The following ERG variants were observed in gnomAD, a reference collection of about 807,000 sequenced individuals.
ERG encodes the protein transcriptional regulator ERG.
Under a neutral mutation model 55.3 loss-of-function variants are expected in ERG, and 9 were observed. That is an observed-to-expected ratio of 0.16 (90% CI 0.10 to 0.28). The LOEUF (loss-of-function observed/expected upper bound fraction) is 0.28, where lower values mean the gene tolerates loss of function less well. Ranked by LOEUF, ERG falls within the 10% of genes least tolerant of loss-of-function variation. ERG has a pLI of 1.00. For missense variants in ERG, 434 were observed against 631.6 expected (o/e 0.69, Z 3.35); for synonymous variants, 223 against 237.3 (o/e 0.94, Z 0.55).
chr21:38,512,444 A>G (rs953557004), intron 2 of ERG, among the ~76,000 whole-genome samples: 3 of 152,266 alleles, frequency 2.0e-5, no homozygotes, highest in African/African-American at 4.8e-5. Context: ...ATAGACAGTT[A>G]TAAGTACAAA....
exon 2 of ERG, chr21:38,575,680 G>A (rs2059990591): frequency 6.2e-7 from 1 of 1,613,890 alleles, no homozygotes; most frequent in South Asian, 1.1e-5. Context: ...GAGCTGCTGG[G>A]TCCGGGACAG....
intron 2 of ERG, among the ~76,000 whole-genome samples, chr21:38,427,588 C>G (rs573427628): frequency 4.1e-4 from 63 of 152,146 alleles, no homozygotes; most frequent in Admixed American, 7.2e-4. Flanking sequence ...GCGGGTGGCC[C>G]GAACTCTCCA....
chr21:38,514,628 A>G (rs1339848581), intron 2 of ERG, among the ~76,000 whole-genome samples: 1 of 152,004 alleles, frequency 6.6e-6, no homozygotes, highest in East Asian at 1.9e-4. Flanking sequence ...CGAAACCTAC[A>G]GTAAACCACA....
chr21:38,523,193 G>C (rs1021503982), intron 2 of ERG, among the ~76,000 whole-genome samples: 11 of 152,228 alleles, frequency 7.2e-5, no homozygotes, highest in Admixed American at 3.9e-4. Flanking sequence ...GTAGCAAAAA[G>C]GGCACACTAA....
intron 3 of ERG, among the ~76,000 whole-genome samples, chr21:38,416,864 G>A (rs1244121549): frequency 2.0e-5 from 3 of 152,192 alleles, no homozygotes; most frequent in Non-Finnish European, 2.9e-5. Context: ...CAAGGACACC[G>A]GGTGGTGAAA....
intron 1 of ERG, among the ~76,000 whole-genome samples, chr21:38,591,913 T>A (rs1484208987): frequency 6.6e-6 from 1 of 152,098 alleles, no homozygotes; most frequent in African/African-American, 2.4e-5. Flanking sequence ...GTTTGAAGGA[T>A]GAGAAAAGCA....
At chr21:38,440,544 G>A (rs543450224) in intron 2 of ERG, among the ~76,000 whole-genome samples, 2 of 152,104 alleles carry the variant, frequency 1.3e-5, no homozygotes, top group Non-Finnish European at 2.9e-5. Flanking sequence ...AGTGAGGCCG[G>A]GCATGGTGGC....
intron 1 of ERG, among the ~76,000 whole-genome samples, chr21:38,448,055 A>G (rs1045036336): frequency 1.2e-4 from 19 of 152,240 alleles, no homozygotes; most frequent in African/African-American, 4.6e-4. Flanking sequence ...AACAAAGCCA[A>G]TAGCCACAAA....
intron 2 of ERG, among the ~76,000 whole-genome samples, chr21:38,532,822 C>T (rs76321508): frequency 0.014 from 2,059 of 152,236 alleles, 49 homozygotes; most frequent in African/African-American, 0.046. Context: ...GTGATTTATA[C>T]GTGAAGTGGA....
intron 1 of ERG, among the ~76,000 whole-genome samples, chr21:38,602,395 A>G (rs1212312131): frequency 6.6e-6 from 1 of 152,068 alleles, no homozygotes; most frequent in East Asian, 1.9e-4. Flanking sequence ...CAGTGAGCCA[A>G]GATTGTGCCA....
At chr21:38,542,077 C>T (rs1290920747) in intron 2 of ERG, among the ~76,000 whole-genome samples, 1 of 152,034 alleles carries the variant, frequency 6.6e-6, no homozygotes, top group South Asian at 2.1e-4. Context: ...GTGGCGTGTT[C>T]TCAGCTTACC....
At chr21:38,441,804 C>T (rs750812991) in intron 2 of ERG, among the ~76,000 whole-genome samples, 12 of 152,254 alleles carry the variant, frequency 7.9e-5, no homozygotes, top group Non-Finnish European at 1.0e-4. Flanking sequence ...CCTCCCCTGC[C>T]TATTACAACC....
intron 1 of ERG, among the ~76,000 whole-genome samples, chr21:38,616,199 G>C (rs1481807361): frequency 6.6e-6 from 1 of 152,054 alleles, no homozygotes; most frequent in East Asian, 1.9e-4. Context: ...CACCATGATT[G>C]TAAGTTTCCT....
chr21:38,601,175 C>T (rs909986864), intron 1 of ERG, among the ~76,000 whole-genome samples: 3 of 152,280 alleles, frequency 2.0e-5, no homozygotes, highest in Admixed American at 6.5e-5. Flanking sequence ...CCCCCAACAA[C>T]TCAGATGACA....
At chr21:38,418,024 A>AT (rs909343698) in intron 3 of ERG, among the ~76,000 whole-genome samples, 16 of 150,364 alleles carry the variant, frequency 1.1e-4, no homozygotes, top group African/African-American at 2.2e-4. Context: ...GTGATTCTTC[A>AT]TTTTTTTTTG....
intron 2 of ERG, among the ~76,000 whole-genome samples, chr21:38,424,181 GCT>G (rs1202954918): frequency 0.17 from 14,717 of 87,892 alleles, 1,082 homozygotes; most frequent in Non-Finnish European, 0.2. Context: ...AGAGACCAGA[GCT>G]CGAGCTCTCT....
rs1050180283 is a variant in ERG, at chr21:38,380,311, G to A, written c.*3092C>T. Reference sequence around the variant, plus strand: ...CCTGGGTTGCAGGTGCCACATCTGTGCAGAAGGCTTAGGAGAAGCAGTGAG... The same window carrying A: ...CCTGGGTTGCAGGTGCCACATCTGTACAGAAGGCTTAGGAGAAGCAGTGAG... On this transcript the variant is annotated 3_prime_UTR_variant, in exon 10 of 10. Transcript: ENST00000288319. The A allele has an allele frequency of 9.5e-7, 1 of 1,055,688 alleles. No homozygotes were observed. Among genetic ancestry groups the A allele is most frequent in the Admixed American group, 5.4e-5 (1 of 18,412 alleles). 65.4% of individuals were successfully genotyped at this position (1,055,688 alleles called of 1,614,324 possible). A position where few individuals can be genotyped will look rare whatever the true frequency, so the allele number is the denominator to read the frequency against.
At chr21:38,405,332 G>C (rs769145262) in intron 3 of ERG, among the ~76,000 whole-genome samples, 16 of 152,152 alleles carry the variant, frequency 1.1e-4, no homozygotes, top group Non-Finnish European at 1.6e-4. Context: ...TCATTAAGCA[G>C]CTCTTAGGCC....
chr21:38,378,766 G>A (rs981588995), downstream of ERG, among the ~76,000 whole-genome samples: 2 of 152,112 alleles, frequency 1.3e-5, no homozygotes, highest in African/African-American at 4.8e-5. Flanking sequence ...ACCTAAGATT[G>A]GGCAGTCATG....
Sources: allele counts gnomAD v4.1 joint callset (sites outside exome capture counted in the v4.1 genomes callset), GRCh38; gene constraint gnomAD v4.1.1; transcripts MANE v1.5; gene names NCBI Gene and HGNC (gene_info 2026-07-23, HGNC 2026-07-21).